BAZ2B: variants seen among roughly 807,000 people sequenced by gnomAD.
BAZ2B encodes the protein bromodomain adjacent to zinc finger domain 2B.
Under a neutral mutation model 246.0 loss-of-function variants are expected in BAZ2B, and 91 were observed. That is an observed-to-expected ratio of 0.37 (90% confidence interval 0.31 to 0.44). The LOEUF is 0.44. Ranked by LOEUF, BAZ2B falls within the 20% of genes least tolerant of loss-of-function variation. The pLI is 1.00. For missense variants in BAZ2B, 2,332 were observed against 2,533.7 expected, an observed-to-expected ratio of 0.92 and a Z score of 1.71; for synonymous variants, 855 against 860.0, an observed-to-expected ratio of 0.99 and a Z score of 0.10.
chr2:159,356,461 C>T (rs569721224), intron 27 of BAZ2B, among the ~76,000 whole-genome samples: 1 of 152,204 alleles, frequency 6.6e-6, no homozygotes, highest in Non-Finnish European at 1.5e-5. Flanking sequence ...CTGGACAGGG[C>T]ATCTCTTAAA....
At chr2:159,346,899 G>C (rs1250865828) in intron 31 of BAZ2B, among the ~76,000 whole-genome samples, 12 of 152,032 alleles carry the variant, frequency 7.9e-5, no homozygotes, top group Admixed American at 6.5e-4. Flanking sequence ...ATAGATGAGG[G>C]AATGAATGAA....
chr2:159,322,668 A>T (rs1466995750), intron 36 of BAZ2B, among the ~76,000 whole-genome samples: 1 of 152,174 alleles, frequency 6.6e-6, no homozygotes, highest in Non-Finnish European at 1.5e-5. Context: ...TATACAACTC[A>T]TATGTGTGTC....
intron 2 of BAZ2B, among the ~76,000 whole-genome samples, chr2:159,529,001 A>T (rs1234237053): frequency 6.6e-6 from 1 of 151,064 alleles, no homozygotes; most frequent in Non-Finnish European, 1.5e-5. Flanking sequence ...ATTAGGAGAT[A>T]TACCTAATGT....
At chr2:159,707,928 T>C in the BAZ2B span, among the ~76,000 whole-genome samples, 4 of 151,634 alleles carry the variant, frequency 2.6e-5, no homozygotes, top group Admixed American at 2.6e-4. Flanking sequence ...GAGGTGGAGG[T>C]TGCAGTGAGC....
At chr2:159,471,671 T>G (rs2077819919) in intron 3 of BAZ2B, among the ~76,000 whole-genome samples, 1 of 152,090 alleles carries the variant, frequency 6.6e-6, no homozygotes, top group Non-Finnish European at 1.5e-5. Context: ...TTTATACTGA[T>G]GAACATGATC....
At chr2:159,317,005 A>C (rs1575536789), downstream of BAZ2B, among the ~76,000 whole-genome samples, 1 of 30,380 alleles carries the variant, frequency 3.3e-5, no homozygotes, top group Admixed American at 4.8e-4. Flanking sequence ...TGTCTCAATA[A>C]AATAAAATAA....
In BAZ2B at chr2:159,320,400, G is replaced by T; in HGVS notation, c.6372C>A (p.Thr2124=). 1 of 1,566,600 alleles carries T rather than the reference G, an allele frequency of 6.4e-7. No individual in the cohort carries two copies. Among genetic ancestry groups the T allele is most frequent in the South Asian group, 1.2e-5 (1 of 81,828 alleles). The change falls in exon 37 of 37, where the codon ACC becomes ACA. Residue 2124 remains threonine, a synonymous_variant. Transcript: ENST00000392783. ...LSSGQYPNLE[T]FALDVRLVFD... is the part of the protein sequence containing the mutation. ...AAACAAGCCTGACATCTAGAGCAAA[G>T]GTTTCAAGGTTTGGATACCTGAAAG...
intron 3 of BAZ2B, among the ~76,000 whole-genome samples, chr2:159,466,265 C>G (rs1290687289): frequency 6.6e-6 from 1 of 152,202 alleles, no homozygotes; most frequent in Non-Finnish European, 1.5e-5. Flanking sequence ...TGCATAGTCA[C>G]TTGATTATTA....
chr2:159,557,197 G>T (rs1246427135), intron 1 of BAZ2B, among the ~76,000 whole-genome samples: 1 of 137,118 alleles, frequency 7.3e-6, no homozygotes, highest in Admixed American at 7.4e-5. Context: ...CTACAGGTGT[G>T]TGTCACTACA....
chr2:159,496,718 T>A (rs1211573847), intron 2 of BAZ2B, among the ~76,000 whole-genome samples: 2 of 138,782 alleles, frequency 1.4e-5, no homozygotes, highest in East Asian at 4.2e-4. Context: ...GGGAGGTGGA[T>A]GTTGCGGTGA....
the BAZ2B span, among the ~76,000 whole-genome samples, chr2:159,710,048 C>T: frequency 6.6e-6 from 1 of 152,154 alleles, no homozygotes; most frequent in Non-Finnish European, 1.5e-5. Context: ...AGTGGGGGAA[C>T]TCTGTGGATA....
chr2:159,461,532 C>T (rs919364573), intron 3 of BAZ2B: 5 of 152,368 alleles, frequency 3.3e-5, no homozygotes, highest in African/African-American at 1.2e-4. Context: ...CTGTTTAATT[C>T]ATTTGCTTAT....
intron 1 of BAZ2B, among the ~76,000 whole-genome samples, chr2:159,591,335 G>T (rs1020692130): frequency 9.9e-5 from 15 of 152,120 alleles, no homozygotes; most frequent in Admixed American, 6.5e-5. Flanking sequence ...CATTAAAACA[G>T]GAGTTGTAAT....
intron 3 of BAZ2B, among the ~76,000 whole-genome samples, chr2:159,456,922 A>G (rs1374150509): frequency 6.6e-6 from 1 of 152,228 alleles, no homozygotes; most frequent in Non-Finnish European, 1.5e-5. Context: ...AAATAATTTA[A>G]GAATACATTT....
At position 159,387,116 on chromosome 2, in the gene BAZ2B, A is replaced by T. The variant is rs557050366; in HGVS notation, c.3217-509T>A. On this transcript the variant is annotated intron_variant, in intron 21 of 36. Transcript: ENST00000392783. ...GCATCTGTGGGCTCTATGGTTGGAGAAAGTGGTACCATCTATGGCTAATGA... is the reference window on the plus strand; with the variant it reads ...GCATCTGTGGGCTCTATGGTTGGAGTAAGTGGTACCATCTATGGCTAATGA... Among the ~76,000 whole-genome samples, 11 of 152,246 alleles carry T rather than the reference A, an allele frequency of 7.2e-5. No individual in the cohort carries two copies. The East Asian group carries it at 2.1e-3, about 29-fold the overall frequency.
chr2:159,434,925 C>T (rs182901087), intron 8 of BAZ2B: 32 of 152,098 alleles, frequency 2.1e-4, no homozygotes, highest in Admixed American at 1.5e-3. Flanking sequence ...GAAAACAACA[C>T]AATCATGAAT....
the BAZ2B span, among the ~76,000 whole-genome samples, chr2:159,693,011 T>C: frequency 2.6e-5 from 4 of 152,146 alleles, no homozygotes; most frequent in African/African-American, 9.7e-5. Flanking sequence ...GTCTCACTGG[T>C]CTTGAACTCC....
intron 1 of BAZ2B, among the ~76,000 whole-genome samples, chr2:159,559,151 G>A (rs1220202184): frequency 6.6e-6 from 1 of 152,064 alleles, no homozygotes; most frequent in Non-Finnish European, 1.5e-5. Context: ...GGCTGAGGTA[G>A]GAGGATCACC....
chr2:159,367,456 G>A (rs1403700370), intron 27 of BAZ2B, among the ~76,000 whole-genome samples: 2 of 152,136 alleles, frequency 1.3e-5, no homozygotes, highest in Non-Finnish European at 2.9e-5. Flanking sequence ...GTAATCCAAT[G>A]TCTGATATCT....
Sources: allele counts gnomAD v4.1 joint callset (sites outside exome capture counted in the v4.1 genomes callset), GRCh38; gene constraint gnomAD v4.1.1; transcripts MANE v1.5; gene names NCBI Gene and HGNC (gene_info 2026-07-23, HGNC 2026-07-21).